DRC8: variants seen among roughly 807,000 people sequenced by gnomAD.
DRC8 encodes the protein dynein regulatory complex protein 8.
the DRC8 span, chr1:244,970,806 C>A: frequency 5.8e-5 from 21 of 361,310 alleles, no homozygotes; most frequent in East Asian, 9.9e-4. Flanking sequence ...GGAGGCCGGG[C>A]CTTGCATCCT....
chr1:245,045,101 A>G, the DRC8 span, among the ~76,000 whole-genome samples: 4 of 152,044 alleles, frequency 2.6e-5, no homozygotes, highest in African/African-American at 7.2e-5. Flanking sequence ...CTTCAACCTC[A>G]CCTGCTCAAG....
At chr1:245,018,558 G>T in the DRC8 span, among the ~76,000 whole-genome samples, 1 of 152,254 alleles carries the variant, frequency 6.6e-6, no homozygotes, top group African/African-American at 2.4e-5. Context: ...TAGGGAGGGG[G>T]TGCAGCAGGC....
the DRC8 span, among the ~76,000 whole-genome samples, chr1:245,018,226 CA>C: frequency 0.16 from 10,002 of 62,596 alleles, 207 homozygotes; most frequent in South Asian, 0.18. Context: ...GACTCTGTCT[CA>C]AAAAAAAAAA....
chr1:245,025,520 TACTC>T, the DRC8 span, among the ~76,000 whole-genome samples: 1 of 152,206 alleles, frequency 6.6e-6, no homozygotes, highest in African/African-American at 2.4e-5. Context: ...AACAGGTTGA[TACTC>T]AAGAATTTGG....
chr1:245,016,687 G>T, the DRC8 span, among the ~76,000 whole-genome samples: 152 of 152,272 alleles, frequency 1.0e-3, 1 homozygote, highest in African/African-American at 3.4e-3. Context: ...ACTGTTTACT[G>T]AATATATATA....
At chr1:244,969,941 G>A in the DRC8 span, 2 of 495,070 alleles carry the variant, frequency 4.0e-6, no homozygotes, top group South Asian at 3.2e-5. Context: ...CCCCTTGGGA[G>A]CCCAGCTCTT....
chr1:245,006,672 G>A, the DRC8 span, among the ~76,000 whole-genome samples: 7 of 152,152 alleles, frequency 4.6e-5, no homozygotes, highest in African/African-American at 7.2e-5. Context: ...ACTGGCTCAC[G>A]CCTGTAATCC....
the DRC8 span, among the ~76,000 whole-genome samples, chr1:245,103,121 C>A: frequency 4.8e-5 from 7 of 146,698 alleles, no homozygotes; most frequent in Admixed American, 4.0e-4. Context: ...CCAGAGAGGC[C>A]AAGCATTGTT....
the DRC8 span, among the ~76,000 whole-genome samples, chr1:245,022,692 T>C: frequency 6.6e-5 from 10 of 152,200 alleles, no homozygotes; most frequent in African/African-American, 1.9e-4. Context: ...TGCAAATATG[T>C]ATGAGTATGC....
the DRC8 span, chr1:245,002,146 T>C: frequency 1.5e-3 from 2,454 of 1,607,894 alleles, 34 homozygotes; most frequent in African/African-American, 0.029. Context: ...AGTGATGAGA[T>C]AAGGCCTCGG....
chr1:245,032,490 G>T, the DRC8 span, among the ~76,000 whole-genome samples: 1 of 152,302 alleles, frequency 6.6e-6, no homozygotes, highest in South Asian at 2.1e-4. Context: ...TTTTGTAACA[G>T]CTCCAGTTTC....
At chr1:245,056,862 G>A in the DRC8 span, among the ~76,000 whole-genome samples, 6 of 148,432 alleles carry the variant, frequency 4.0e-5, no homozygotes, top group Non-Finnish European at 7.4e-5. Context: ...GCTTGAACCC[G>A]GGAGATGGAG....
chr1:244,987,520 G>A, the DRC8 span, among the ~76,000 whole-genome samples: 231 of 151,958 alleles, frequency 1.5e-3, 1 homozygote, highest in African/African-American at 5.4e-3. Context: ...TTTAAGCCTA[G>A]TGTTTTGGTG....
At chr1:245,030,271 T>G in the DRC8 span, among the ~76,000 whole-genome samples, 4 of 152,224 alleles carry the variant, frequency 2.6e-5, no homozygotes, top group African/African-American at 9.6e-5. Context: ...ATTCTGTTGG[T>G]CATGCTCTGT....
At chr1:245,034,000 C>T in the DRC8 span, among the ~76,000 whole-genome samples, 4 of 152,172 alleles carry the variant, frequency 2.6e-5, no homozygotes, top group Non-Finnish European at 5.9e-5. Flanking sequence ...GGATTACAGG[C>T]ATGAGCCACC....
chr1:244,995,280 G>A, the DRC8 span, among the ~76,000 whole-genome samples: 1 of 151,918 alleles, frequency 6.6e-6, no homozygotes, highest in African/African-American at 2.4e-5. Context: ...AGAATCGCTT[G>A]AATCCGGGAG....
chr1:245,005,706 G>A, the DRC8 span, among the ~76,000 whole-genome samples: 1 of 152,170 alleles, frequency 6.6e-6, no homozygotes, highest in African/African-American at 2.4e-5. Context: ...TTTACAGTAT[G>A]GAAAGTGAGA....
chr1:245,098,483 C>G, the DRC8 span, among the ~76,000 whole-genome samples: 2 of 152,176 alleles, frequency 1.3e-5, no homozygotes, highest in Non-Finnish European at 2.9e-5. Flanking sequence ...ACAAGGCAAA[C>G]ATAGTATCAG....
the DRC8 span, among the ~76,000 whole-genome samples, chr1:245,001,125 T>A: frequency 6.6e-6 from 1 of 152,358 alleles, no homozygotes; most frequent in South Asian, 2.1e-4. Context: ...ACATACATAG[T>A]ATATGTTTAT....
Sources: gnomAD v4.1 joint callset for allele counts (sites outside exome capture counted in the v4.1 genomes callset) on GRCh38, gnomAD v4.1.1 for gene constraint, MANE v1.5 for transcripts, NCBI Gene and HGNC (gene_info 2026-07-23, HGNC 2026-07-21) for gene names.